RAPGEF3: variants seen among roughly 807,000 people sequenced by gnomAD.
RAPGEF3 encodes 9330170P05Rik.
Under a neutral mutation model 129.8 loss-of-function variants are expected in RAPGEF3, and 103 were observed. That is an observed-to-expected ratio of 0.79 (90% confidence interval 0.68 to 0.93). The LOEUF (loss-of-function observed/expected upper bound fraction) is 0.93. Among genes scored for constraint, RAPGEF3 ranks in the 40% least tolerant of loss-of-function variants. RAPGEF3 has a pLI of 0.00. For synonymous variants in RAPGEF3, 436 were observed against 482.6 expected (o/e 0.90, Z 1.26); for missense variants, 1,117 against 1,207.4 (o/e 0.93, Z 1.11).
At position 47,748,553 on chromosome 12, in the gene RAPGEF3, T is replaced by TG. The variant is rs1565760036; in HGVS notation, c.1155-12dup. 3.7e-6 allele frequency: 6 copies of TG among 1,610,258 alleles called. No individual in the cohort carries two copies. In the South Asian group the frequency reaches 5.5e-5, roughly 15 times the overall value. On this transcript the variant is annotated splice_polypyrimidine_tract_variant and intron_variant, in intron 11 of 27. Transcript: ENST00000449771. ...GACATCACTGTATACCTAGCAGAAA[T>TG]GGCCAATCTTTGGCACTGGTGCCAC... is the stretch of plus-strand genomic sequence containing the variant.
At chr12:47,741,319 C>T (rs760256934) in intron 19 of RAPGEF3, 186 bp downstream of exon 19, 14 of 677,460 alleles carry the variant, frequency 2.1e-5, no homozygotes, top group Non-Finnish European at 3.5e-5. Context: ...CTACCAGCCC[C>T]TGCCCTGCAC....
chr12:47,749,738 C>T lies in RAPGEF3; in HGVS notation c.894+3G>A, dbSNP rs368704809. ...ACTGGGGTGGGGAGGAGGGAGGGCT[C>T]ACCTTGCCATGGGTCACCACGTTGA... On this transcript the variant is annotated splice_donor_region_variant and intron_variant, in intron 9 of 27. Coordinates refer to ENST00000449771, the MANE Select transcript of RAPGEF3 (RefSeq NM_001098531.4). The surrounding 1 kb of genome is among the most constrained non-coding windows in gnomAD (Gnocchi z 4.5). 14 of 1,614,036 alleles carry T rather than the reference C, an allele frequency of 8.7e-6. No individual in the cohort carries two copies. The African/African-American group carries it at 1.5e-4, about 17-fold the overall frequency.
intron 1 of RAPGEF3, chr12:47,758,317 T>C: frequency 7.0e-7 from 1 of 1,434,368 alleles, no homozygotes. Flanking sequence ...TTCTTAGTCC[T>C]CTTTGGAATT....
At chr12:47,750,033 T>G (rs1486370412) in intron 7 of RAPGEF3, 43 bp from the exon 8 acceptor site, 1 of 1,610,948 alleles carries the variant, frequency 6.2e-7, no homozygotes, top group Non-Finnish European at 8.5e-7. Flanking sequence ...CAAGTTCATG[T>G]GCAGAGCAGC....
chr12:47,752,329 A>G (rs777556826), intron 2 of RAPGEF3, among the ~76,000 whole-genome samples: 7 of 152,226 alleles, frequency 4.6e-5, no homozygotes, highest in Non-Finnish European at 8.8e-5. Flanking sequence ...GACATGAGAT[A>G]AGAAGACCTG....
Position 47,758,880 on chromosome 12 carries a change from T to G in RAPGEF3, c.-324A>C. The G allele has an allele frequency of 1.8e-6, 2 of 1,136,118 alleles. No individual in the cohort carries two copies. Among genetic ancestry groups the G allele is most frequent in the Non-Finnish European group, 1.1e-6 (1 of 925,488 alleles). The allele number at this position is 1,136,118 out of a possible 1,614,324, so 70.4% of individuals were successfully genotyped here. A position where few individuals can be genotyped will look rare whatever the true frequency, so the allele number is the denominator to read the frequency against. ...ACCGGGCGCTGAAGCAAGGCTGCGC[T>G]GGCACCGGTCCGGGCGGGAGCTGTC... is the stretch of plus-strand genomic sequence containing the variant. On this transcript the variant is annotated 5_prime_UTR_variant, in exon 1 of 28. Transcript: ENST00000449771.
At chr12:47,758,104 A>G (rs529860436) in intron 1 of RAPGEF3, 26 bp from the exon 2 acceptor site, 6 of 1,548,664 alleles carry the variant, frequency 3.9e-6, no homozygotes, top group East Asian at 4.8e-5. Flanking sequence ...GAAAGTGGAC[A>G]GCCATGGGAC....
At position 47,737,352 on chromosome 12, in the gene RAPGEF3, T is replaced by C; in HGVS notation, c.*215A>G. On this transcript the variant is annotated 3_prime_UTR_variant, in exon 28 of 28. Transcript: ENST00000449771. ...CTGTCCTCCCTTCCTTGGCCTTGGGTCATTCGTTATTCCTGGCTCGGGTCC... is the reference window on the plus strand; with the variant it reads ...CTGTCCTCCCTTCCTTGGCCTTGGGCCATTCGTTATTCCTGGCTCGGGTCC... The C allele has an allele frequency of 1.8e-6, 1 of 571,198 alleles. No homozygotes were observed. The highest frequency in any genetic ancestry group is 3.1e-6 in the Non-Finnish European group (1 of 319,910). 35.4% of individuals were successfully genotyped at this position (571,198 alleles called of 1,614,324 possible). A position where few individuals can be genotyped will look rare whatever the true frequency, so the allele number is the denominator to read the frequency against.
rs1333388657 is a variant in RAPGEF3 at position 47,749,890 on chromosome 12, C to T, written c.817+40G>A. On this transcript the variant is annotated intron_variant, in intron 8 of 27. Transcript: ENST00000449771. This position sits in a 1 kb window ranked among gnomAD's most constrained non-coding sequence, Gnocchi z 4.5. Reference sequence around the variant, plus strand: ...CTTCACACATCCTTCTGCCCATGTCCAGGCCCTGTGCCTGGCTTCTTATGC... The same window carrying T: ...CTTCACACATCCTTCTGCCCATGTCTAGGCCCTGTGCCTGGCTTCTTATGC... The T allele has an allele frequency of 1.2e-6, 2 of 1,614,068 alleles. No individual in the cohort carries two copies. Among genetic ancestry groups the T allele is most frequent in the Admixed American group, 1.7e-5 (1 of 60,034 alleles).
At position 47,739,250 on chromosome 12, in the gene RAPGEF3, T is replaced by A; in HGVS notation, c.2374-20A>T. 1 of 1,575,776 alleles carries A rather than the reference T, an allele frequency of 6.3e-7. No individual in the cohort carries two copies. The highest frequency in any genetic ancestry group is 8.7e-7 in the Non-Finnish European group (1 of 1,146,030). On this transcript the variant is annotated intron_variant, in intron 23 of 27. Transcript: ENST00000449771. ...GGGATCCTAGGGGAAGAAGCCACAC[T>A]GAGGGGGTTGCACACACCATAAGCC...
At position 47,758,661 on chromosome 12, in the gene RAPGEF3, G is replaced by A; in HGVS notation, c.-105C>T. The A allele has an allele frequency of 6.4e-7, 1 of 1,571,434 alleles. No homozygotes were observed. The highest frequency in any genetic ancestry group is 8.6e-7 in the Non-Finnish European group (1 of 1,158,014). On this transcript the variant is annotated 5_prime_UTR_variant, in exon 1 of 28. Transcript: ENST00000449771. ...AAGGGGATCCGGAGGGTGCCAGTGG[G>A]TAAGTCCAGGTACAGTGAACTGGGC...
chr12:47,757,483 C>A (rs1017438946), intron 2 of RAPGEF3, among the ~76,000 whole-genome samples: 1 of 152,102 alleles, frequency 6.6e-6, no homozygotes, highest in Non-Finnish European at 1.5e-5. Context: ...GGTGATGCAC[C>A]CAGAACTGTA....
Position 47,748,085 on chromosome 12 carries a change from G to A in RAPGEF3, c.1311C>T (p.Ala437=), listed in dbSNP as rs1941529464. The A allele has an allele frequency of 6.3e-7, 1 of 1,585,386 alleles. No individual in the cohort carries two copies. Among genetic ancestry groups the A allele is most frequent in the Non-Finnish European group, 8.6e-7 (1 of 1,164,946 alleles). Residue 437 remains alanine (A), a synonymous_variant, in exon 13 of 28, where the codon GCC becomes GCT. Coordinates refer to ENST00000449771, the MANE Select transcript of RAPGEF3 (RefSeq NM_001098531.4). ...VFMPSAQLCA[A]LLHHFHVEPA... is the part of the protein sequence containing the mutation. The stretch of plus-strand genomic sequence containing the variant: ...AGCTGGAAGGATATTGGTGCAGAAG[G>A]GCAGCGCAGAGTTGGGCGCTGGGCA...
chr12:47,758,403 C>T lies in RAPGEF3; in HGVS notation c.6+148G>A, dbSNP rs1465786107. ...GTATGAAGCTATAGATTCACTAGGTCTCCCAGAAATGCAGCTTCGGCTTAA... is the reference window on the plus strand; with the variant it reads ...GTATGAAGCTATAGATTCACTAGGTTTCCCAGAAATGCAGCTTCGGCTTAA... On this transcript the variant is annotated intron_variant, in intron 1 of 27. Coordinates refer to ENST00000449771, the MANE Select transcript of RAPGEF3 (RefSeq NM_001098531.4). 9.1e-6 allele frequency: 14 copies of T among 1,532,586 alleles called. No individual in the cohort carries two copies. The South Asian group carries it at 1.4e-4, about 15-fold the overall frequency. The allele number at this position is 1,532,586 out of a possible 1,614,324, so 94.9% of individuals were successfully genotyped here. A position where few individuals can be genotyped will look rare whatever the true frequency, so the allele number is the denominator to read the frequency against.
chr12:47,738,143 C>T (rs1565746843), intron 26 of RAPGEF3, 50 bp from the exon 27 acceptor site: 7 of 1,613,860 alleles, frequency 4.3e-6, no homozygotes, highest in Non-Finnish European at 5.9e-6. Flanking sequence ...TGGAGCCTCA[C>T]AGAGGATGTA....
At position 47,746,878 on chromosome 12, in the gene RAPGEF3, A is replaced by C; in HGVS notation, c.1578T>G (p.Asn526Lys). The C allele has an allele frequency of 1.2e-6, 2 of 1,600,552 alleles. No homozygotes were observed. Among genetic ancestry groups the C allele is most frequent in the Non-Finnish European group, 1.7e-6 (2 of 1,175,972 alleles). The change falls in exon 16 of 28, where the codon AAT becomes AAG. Residue 526 changes from asparagine to lysine, a missense_variant. Physicochemically the swap from Asn to Lys is moderately conservative, Grantham distance 94. This residue lies in a region of RAPGEF3 where 643 missense variants were observed against 673.4 expected (regional missense o/e 0.95). Transcript: ENST00000449771. ...RCHRLENGCG[N>K]ASPQMKARNL... ...CAGACACCTTCATCTGAGGAGATGC[A>C]TTCCCACAGCCATTCTCCAACCTGC...
chr12:47,744,733 G>A (rs989008761), intron 16 of RAPGEF3: 3 of 154,006 alleles, frequency 1.9e-5, no homozygotes, highest in African/African-American at 4.8e-5. Context: ...GCTTTTTTCC[G>A]ACTCTGGTAC....
Position 47,738,775 on chromosome 12 carries a change from T to C in RAPGEF3, c.2462-21A>G, listed in dbSNP as rs1334022114. The C allele has an allele frequency of 3.1e-6, 5 of 1,592,452 alleles. No homozygotes were observed. In the Admixed American group the frequency reaches 5.0e-5, roughly 16 times the overall value. On this transcript the variant is annotated intron_variant, in intron 24 of 27. Coordinates refer to ENST00000449771, the MANE Select transcript of RAPGEF3 (RefSeq NM_001098531.4). ...CATGTCTGCAAAGAGATGGGTTTTG[T>C]TCATAGGTCCCCAAACTTCTGCCCT...
intron 27 of RAPGEF3, 26 bp downstream of exon 27, chr12:47,737,996 C>T: frequency 5.0e-6 from 6 of 1,191,794 alleles, no homozygotes; most frequent in Middle Eastern, 2.1e-4. Flanking sequence ...CCCCTCCCTG[C>T]CCACCCACCA....
Sources: gnomAD v4.1 joint callset for allele counts (sites outside exome capture counted in the v4.1 genomes callset) on GRCh38, gnomAD v4.1.1 for gene constraint, gnomAD v4.1.1 regional missense constraint, Gnocchi (gnomAD v3.1) non-coding constraint, MANE v1.5 for transcripts, NCBI Gene and HGNC (gene_info 2026-07-23, HGNC 2026-07-21) for gene names.